The following SEMA3E variants were observed in gnomAD, a reference collection of about 807,000 sequenced individuals.
SEMA3E encodes the protein semaphorin-3E.
A neutral mutation model predicts 93.6 loss-of-function variants in SEMA3E; 49 were observed. The ratio of observed to expected loss-of-function variants is 0.52; its 90% CI spans 0.42 to 0.66. The LOEUF (loss-of-function observed/expected upper bound fraction) is 0.66, where lower values mean the gene tolerates loss of function less well. Among genes scored for constraint, SEMA3E ranks in the 30% least tolerant of loss-of-function variants. SEMA3E has a pLI of 0.00. For synonymous variants in SEMA3E, 363 were observed against 330.7 expected (o/e 1.10, Z -1.06); for missense variants, 906 against 964.8 (o/e 0.94, Z 0.81).
chr7:83,424,865 A>G, intron 4 of SEMA3E: 1 of 249,894 alleles, frequency 4.0e-6, no homozygotes, highest in Non-Finnish European at 8.2e-6. Flanking sequence ...TTGAAGATGG[A>G]GGAATGGGGC....
chr7:83,634,264 G>A (rs552591709), intron 1 of SEMA3E, among the ~76,000 whole-genome samples: 139 of 152,218 alleles, frequency 9.1e-4, no homozygotes, highest in Non-Finnish European at 1.8e-3. Flanking sequence ...GGCATCTAAC[G>A]TGTTTCTGAG....
intron 1 of SEMA3E, among the ~76,000 whole-genome samples, chr7:83,642,784 C>T (rs1329801220): frequency 6.6e-6 from 1 of 152,056 alleles, no homozygotes; most frequent in Non-Finnish European, 1.5e-5. Context: ...TAATCTAAAT[C>T]TTCATTCTGC....
chr7:83,544,968 T>C (rs1791615055), intron 1 of SEMA3E, among the ~76,000 whole-genome samples: 1 of 152,106 alleles, frequency 6.6e-6, no homozygotes, highest in East Asian at 1.9e-4. Flanking sequence ...ATTAAACTAC[T>C]AGATGAAAGC....
chr7:83,455,300 G>A (rs768557124), intron 4 of SEMA3E, among the ~76,000 whole-genome samples: 173 of 152,296 alleles, frequency 1.1e-3, no homozygotes, highest in Middle Eastern at 3.4e-3. Context: ...GGTTTGAGCA[G>A]AAAAATTCTG....
At chr7:83,429,842 A>C (rs1387466713) in intron 4 of SEMA3E, among the ~76,000 whole-genome samples, 1 of 152,172 alleles carries the variant, frequency 6.6e-6, no homozygotes, top group Non-Finnish European at 1.5e-5. Context: ...GTTTTCCTAC[A>C]ACATTAACTC....
intron 4 of SEMA3E, among the ~76,000 whole-genome samples, chr7:83,441,468 G>A (rs1372405219): frequency 1.3e-5 from 2 of 152,166 alleles, no homozygotes; most frequent in Non-Finnish European, 2.9e-5. Context: ...AATAGTTGAT[G>A]CCACTGAAGA....
intron 1 of SEMA3E, among the ~76,000 whole-genome samples, chr7:83,612,856 T>C (rs1193601393): frequency 6.6e-6 from 1 of 152,128 alleles, no homozygotes; most frequent in East Asian, 1.9e-4. Context: ...TAACAGTTAA[T>C]ATTTCATTCA....
At chr7:83,412,761 T>TAAAAAAAAAAAA (rs35717519) in intron 5 of SEMA3E, among the ~76,000 whole-genome samples, 3 of 143,628 alleles carry the variant, frequency 2.1e-5, no homozygotes, top group African/African-American at 8.3e-5. Context: ...TAAAAAAAGA[T>TAAAAAAAAAAAA]AAAAAAAAAA....
chr7:83,532,965 C>T (rs902349860), intron 1 of SEMA3E, among the ~76,000 whole-genome samples: 4 of 152,078 alleles, frequency 2.6e-5, no homozygotes, highest in African/African-American at 7.2e-5. Context: ...AAGACTAAGT[C>T]CAAAAGATAA....
At chr7:83,633,729 C>T (rs929938029) in intron 1 of SEMA3E, among the ~76,000 whole-genome samples, 7 of 151,878 alleles carry the variant, frequency 4.6e-5, no homozygotes, top group African/African-American at 1.5e-4. Context: ...TGTGGGCAAC[C>T]GGCTGCAGTA....
chr7:83,629,808 C>T (rs1404411152), intron 1 of SEMA3E, among the ~76,000 whole-genome samples: 2 of 152,146 alleles, frequency 1.3e-5, no homozygotes, highest in Non-Finnish European at 2.9e-5. Context: ...GGATCTGCCT[C>T]ACTGGCGTTC....
chr7:83,568,936 C>T (rs578245274), intron 1 of SEMA3E, among the ~76,000 whole-genome samples: 3 of 152,132 alleles, frequency 2.0e-5, no homozygotes, highest in East Asian at 1.9e-4. Context: ...AAGGAAGTCA[C>T]GTTATTCTTC....
chr7:83,532,979 G>T (rs552862193), intron 1 of SEMA3E, among the ~76,000 whole-genome samples: 1 of 152,144 alleles, frequency 6.6e-6, no homozygotes, highest in East Asian at 1.9e-4. Context: ...AAGATAAAAT[G>T]ATTAATGTTT....
chr7:83,404,449 C>A (rs1298537406), intron 9 of SEMA3E, among the ~76,000 whole-genome samples: 1 of 151,844 alleles, frequency 6.6e-6, no homozygotes, highest in Non-Finnish European at 1.5e-5. Context: ...ATTATTCTAG[C>A]CCTGTCAAGA....
At chr7:83,399,017 T>C (rs886091585) in intron 11 of SEMA3E, among the ~76,000 whole-genome samples, 1 of 152,132 alleles carries the variant, frequency 6.6e-6, no homozygotes. Context: ...AAAGGGTTTA[T>C]TGGAGAAGCC....
At chr7:83,553,478 C>T (rs1041014148) in intron 1 of SEMA3E, among the ~76,000 whole-genome samples, 1 of 152,076 alleles carries the variant, frequency 6.6e-6, no homozygotes, top group Non-Finnish European at 1.5e-5. Context: ...TTTGCACACT[C>T]ATCCATCTGG....
At chr7:83,551,079 T>C (rs1308386419) in intron 1 of SEMA3E, among the ~76,000 whole-genome samples, 3 of 152,160 alleles carry the variant, frequency 2.0e-5, no homozygotes, top group Non-Finnish European at 4.4e-5. Context: ...TGTCTGTTGG[T>C]AGAACTATAA....
At chr7:83,619,379 A>G (rs1335480730) in intron 1 of SEMA3E, among the ~76,000 whole-genome samples, 3 of 151,920 alleles carry the variant, frequency 2.0e-5, no homozygotes, top group Non-Finnish European at 2.9e-5. Context: ...ATAAAAACCC[A>G]GAAACAAAAA....
intron 4 of SEMA3E, among the ~76,000 whole-genome samples, chr7:83,461,751 C>T (rs1344809276): frequency 2.0e-5 from 3 of 152,144 alleles, no homozygotes; most frequent in Non-Finnish European, 2.9e-5. Flanking sequence ...AAATTCCGGC[C>T]CTCAAACCCC....
Sources: allele counts gnomAD v4.1 joint callset (sites outside exome capture counted in the v4.1 genomes callset), GRCh38; gene constraint gnomAD v4.1.1; transcripts MANE v1.5; gene names NCBI Gene and HGNC (gene_info 2026-07-23, HGNC 2026-07-21).